Variants in PCM1 observed in about 807,000 individuals in gnomAD.
PCM1 encodes pericentriolar material 1.
Under a neutral mutation model 241.9 loss-of-function variants are expected in PCM1, and 157 were observed. That is an observed-to-expected ratio of 0.65 (90% confidence interval 0.57 to 0.74). The LOEUF (loss-of-function observed/expected upper bound fraction) is 0.74, where lower values mean the gene tolerates loss of function less well. Ranked by LOEUF, PCM1 falls within the 30% of genes least tolerant of loss-of-function variation. The pLI, the probability that PCM1 is intolerant of heterozygous loss-of-function variation, is 0.00. For synonymous variants in PCM1, 1,085 were observed against 784.9 expected (o/e 1.38, Z -6.39); for missense variants, 3,478 against 2,360.1 (o/e 1.47, Z -9.81).
At chr8:17,969,105 T>C (rs1041077812) in intron 21 of PCM1, among the ~76,000 whole-genome samples, 1 of 152,106 alleles carries the variant, frequency 6.6e-6, no homozygotes, top group Non-Finnish European at 1.5e-5. Context: ...ATATTCTACT[T>C]TCCCAATAAA....
At chr8:18,009,879 G>T (rs1191432674) in intron 31 of PCM1, 135 bp downstream of exon 31, 3 of 515,754 alleles carry the variant, frequency 5.8e-6, no homozygotes, top group Non-Finnish European at 6.5e-6. Flanking sequence ...CACATTATAA[G>T]TCATTACATA....
At chr8:17,989,763 T>G in intron 26 of PCM1, 96 bp from the exon 27 acceptor site, 1 of 872,476 alleles carries the variant, frequency 1.1e-6, no homozygotes, top group African/African-American at 1.7e-5. Context: ...CTTTTAAGTG[T>G]ACAATTTTAT....
At position 17,996,669 on chromosome 8, in the gene PCM1, T is replaced by C. The variant is rs138894483; in HGVS notation, c.4827+3050T>C. Among the ~76,000 whole-genome samples the C allele has an allele frequency of 3.3e-5, 5 of 152,328 alleles. No individual in the cohort carries two copies. In the East Asian group the frequency reaches 9.6e-4, roughly 29 times the overall value. ...TTTCTTGTTTTTTAACATCCATTGTTTTCGTATCTGTTATATGTATGTTTT... is the reference window on the plus strand; with the variant it reads ...TTTCTTGTTTTTTAACATCCATTGTCTTCGTATCTGTTATATGTATGTTTT... On this transcript the variant is annotated intron_variant, in intron 29 of 38. Coordinates refer to ENST00000325083, the MANE Select transcript of PCM1 (RefSeq NM_006197.4).
In PCM1 at chr8:17,960,078, CAGA is replaced by C. The variant is rs1198352358; in HGVS notation, c.2112_2114del (p.Glu704del). ...TCAAATTTGGATGATTTCTACCCAGCAGAAGAAGACACCAAGCAAAATTCAAAT... is the reference window on the plus strand; with the variant it reads ...TCAAATTTGGATGATTTCTACCCAGCAGAAGACACCAAGCAAAATTCAAAT... On this transcript the variant is annotated inframe_deletion, in exon 14 of 39. Coordinates refer to ENST00000325083, the MANE Select transcript of PCM1 (RefSeq NM_006197.4). The C allele has an allele frequency of 1.2e-6, 2 of 1,610,470 alleles. No individual in the cohort carries two copies. Among genetic ancestry groups the C allele is most frequent in the African/African-American group, 1.3e-5 (1 of 74,832 alleles).
At position 18,011,254 on chromosome 8, in the gene PCM1, A is replaced by G. The variant is rs771252926; in HGVS notation, c.5238A>G (p.Glu1746=). The G allele has an allele frequency of 1.2e-5, 19 of 1,605,240 alleles. No individual in the cohort carries two copies. In the East Asian group the frequency reaches 4.0e-4, roughly 34 times the overall value. ...DDEDKDKDET[E]TVKQTQTSEV... ...GTGTCTAGGACAAGGATGAAACTGA[A>G]ACAGTTAAGCAGACTCAAACATCTG... The change falls in exon 33 of 39, where the codon GAA becomes GAG. Residue 1746 remains glutamate (E), a synonymous_variant. Transcript: ENST00000325083.
intron 36 of PCM1, among the ~76,000 whole-genome samples, chr8:18,017,853 CAAA>C (rs371622006): frequency 4.9e-5 from 7 of 141,888 alleles, no homozygotes; most frequent in African/African-American, 1.8e-4. Flanking sequence ...AACTCCATCT[CAAA>C]AAAAAAAAGT....
Position 18,025,621 on chromosome 8 carries a change from A to G in PCM1, c.6012A>G (p.Glu2004=). 1.3e-6 allele frequency: 2 copies of G among 1,576,410 alleles called. No individual in the cohort carries two copies. The highest frequency in any genetic ancestry group is 1.7e-6 in the Non-Finnish European group (2 of 1,159,858). The change falls in exon 38 of 39, where the codon GAA becomes GAG. Residue 2004 remains glutamate, a synonymous_variant. Coordinates refer to ENST00000325083, the MANE Select transcript of PCM1 (RefSeq NM_006197.4). Reference sequence around the variant, plus strand: ...GTGAAATATGTGAAATGCAGACCGAAGAATTAGCTGGAAATTCTGAGACAC... The same window carrying G: ...GTGAAATATGTGAAATGCAGACCGAGGAATTAGCTGGAAATTCTGAGACAC... ...LSGEICEMQT[E]ELAGNSETLK...
chr8:17,972,655 C>A lies in PCM1; in HGVS notation c.3911C>A (p.Ser1304Tyr). Reference sequence around the variant, plus strand: ...AAGTCAAAAAGTAAGAAGAGGAATTCTACTCAGCTGAAAAGCAGAGTTAAA... The same window carrying A: ...AAGTCAAAAAGTAAGAAGAGGAATTATACTCAGCTGAAAAGCAGAGTTAAA... ...TPKSKSKKRNSTQLKSRVKNI... is the reference protein window; with the variant it reads ...TPKSKSKKRNYTQLKSRVKNI... Residue 1304 changes from serine to tyrosine, a missense_variant, in exon 23 of 39, where the codon TCT (serine) becomes TAT (tyrosine). Transcript: ENST00000325083. 6.4e-7 allele frequency: 1 copy of A among 1,573,364 alleles called. No homozygotes were observed. The highest frequency in any genetic ancestry group is 1.2e-5 in the South Asian group (1 of 84,002).
chr8:17,923,258 T>C (rs1286522455), intron 1 of PCM1, 70 bp downstream of exon 1: 1 of 152,410 alleles, frequency 6.6e-6, no homozygotes, highest in African/African-American at 2.4e-5. Flanking sequence ...GAGTAACGGC[T>C]CCGGGACACT....
chr8:17,959,163 A>T (rs1246673633), intron 13 of PCM1, among the ~76,000 whole-genome samples: 1 of 152,104 alleles, frequency 6.6e-6, no homozygotes, highest in African/African-American at 2.4e-5. Context: ...CTTTGTTTTT[A>T]CAAACTGTAT....
At position 18,029,317 on chromosome 8, in the gene PCM1, A is replaced by G. The variant is rs1433232183; in HGVS notation, c.*1655A>G. The stretch of plus-strand genomic sequence containing the variant: ...TCTTCAACTTTAATAAAACCTATTC[A>G]GAAAATTACCAATTCAGAATTCGGA... On this transcript the variant is annotated 3_prime_UTR_variant, in exon 39 of 39. Coordinates refer to ENST00000325083, the MANE Select transcript of PCM1 (RefSeq NM_006197.4). 9.4e-6 allele frequency: 2 copies of G among 212,824 alleles called. No homozygotes were observed. The highest frequency in any genetic ancestry group is 1.9e-5 in the Non-Finnish European group (2 of 105,088). 13.2% of individuals were successfully genotyped at this position (212,824 alleles called of 1,614,324 possible).
rs1044954325 is a variant in PCM1 at position 17,967,169 on chromosome 8, A to T, written c.3411A>T (p.Pro1137=). 28 of 1,579,862 alleles carry T rather than the reference A, an allele frequency of 1.8e-5. No individual in the cohort carries two copies. Among genetic ancestry groups the T allele is most frequent in the Non-Finnish European group, 6.0e-6 (7 of 1,160,640 alleles). The change falls in exon 21 of 39, where the codon CCA becomes CCT. Residue 1137 remains proline, a splice_region_variant and synonymous_variant. Coordinates refer to ENST00000325083, the MANE Select transcript of PCM1 (RefSeq NM_006197.4). ...PGFTNFSSFA[P]GMNFSPLFPS... ...TTACTAACTTTTCATCATTTGCACC[A>T]GGTAGGTGACTTAACCTAAAGAGAA...
At chr8:17,962,323 C>G in intron 16 of PCM1, 149 bp downstream of exon 16, 1 of 420,438 alleles carries the variant, frequency 2.4e-6, no homozygotes, top group Middle Eastern at 5.9e-4. Context: ...TTAGTAGACA[C>G]AAAAATGTAA....
intron 34 of PCM1, 121 bp downstream of exon 34, chr8:18,011,948 G>A (rs2092576425): frequency 3.5e-6 from 3 of 861,740 alleles, no homozygotes; most frequent in Non-Finnish European, 5.4e-6. Context: ...ATGAATGCAA[G>A]CCTCATTAAT....
intron 6 of PCM1, among the ~76,000 whole-genome samples, chr8:17,943,704 A>T (rs2062910979): frequency 6.6e-6 from 1 of 152,110 alleles, no homozygotes; most frequent in African/African-American, 2.4e-5. Flanking sequence ...CTATTTGTAA[A>T]AACATTTTAA....
intron 34 of PCM1, among the ~76,000 whole-genome samples, chr8:18,013,468 C>T (rs1010734581): frequency 6.6e-6 from 1 of 152,114 alleles, no homozygotes; most frequent in Admixed American, 6.5e-5. Context: ...GAGGAGAGAA[C>T]CTACGTAGGC....
intron 11 of PCM1, 92 bp downstream of exon 11, chr8:17,956,869 C>T (rs931280018): frequency 3.0e-6 from 3 of 1,001,066 alleles, no homozygotes; most frequent in Non-Finnish European, 3.0e-6. Context: ...GTAGTATTTA[C>T]TATTTGCCTT....
chr8:17,996,779 A>G (rs944602799), intron 29 of PCM1, among the ~76,000 whole-genome samples: 3 of 152,310 alleles, frequency 2.0e-5, no homozygotes, highest in Admixed American at 2.0e-4. Context: ...ATAAACAAAC[A>G]AGCAAACAAA....
intron 38 of PCM1, among the ~76,000 whole-genome samples, chr8:18,027,084 A>C (rs540795110): frequency 6.6e-6 from 1 of 152,140 alleles, no homozygotes; most frequent in Non-Finnish European, 1.5e-5. Flanking sequence ...TCAGTTCATC[A>C]GTTGATGAAA....
Sources: gnomAD v4.1 joint callset for allele counts (sites outside exome capture counted in the v4.1 genomes callset) on GRCh38, gnomAD v4.1.1 for gene constraint, MANE v1.5 for transcripts, NCBI Gene and HGNC (gene_info 2026-07-23, HGNC 2026-07-21) for gene names.